The following NPAS2 variants were observed in gnomAD, a reference collection of about 807,000 sequenced individuals.
NPAS2 encodes the protein neuronal PAS domain protein 2.
Under a neutral mutation model 107.5 loss-of-function variants are expected in NPAS2, and 23 were observed. The ratio of observed to expected loss-of-function variants is 0.21; its 90% CI spans 0.15 to 0.30. The LOEUF (loss-of-function observed/expected upper bound fraction) is 0.30, where lower values mean the gene tolerates loss of function less well. Among genes scored for constraint, NPAS2 ranks in the 10% least tolerant of loss-of-function variants. The probability of loss-of-function intolerance (pLI) is 1.00; values close to 1 mark genes in which losing one functional copy is unlikely to be tolerated. For synonymous variants in NPAS2, 403 were observed against 417.5 expected (o/e 0.97, Z 0.42); for missense variants, 756 against 1,043.3 (o/e 0.72, Z 3.79).
chr2:100,913,533 C>T (rs1017238780), intron 2 of NPAS2, among the ~76,000 whole-genome samples: 17 of 152,216 alleles, frequency 1.1e-4, no homozygotes, highest in African/African-American at 3.1e-4. Context: ...GGATAGTTTC[C>T]CAATGGATAC....
At chr2:100,867,364 T>G (rs557965768) in intron 1 of NPAS2, among the ~76,000 whole-genome samples, 2 of 152,230 alleles carry the variant, frequency 1.3e-5, no homozygotes, top group Non-Finnish European at 2.9e-5. Context: ...ATTAGGTGCA[T>G]GTAAGTTTAG....
rs573129310 is a variant in NPAS2 at position 100,973,987 on chromosome 2, G to A, written c.1141-816G>A. Among the ~76,000 whole-genome samples the A allele has an allele frequency of 4.6e-5, 7 of 152,210 alleles. No homozygotes were observed. In the East Asian group the frequency reaches 9.7e-4, roughly 21 times the overall value. On this transcript the variant is annotated intron_variant, in intron 12 of 20. Transcript: ENST00000335681. ...CTCCCAAGTAGCTGGGATTACAGGCGCCTGCCACCACGTCCAGCTAATTTT... is the reference window on the plus strand; with the variant it reads ...CTCCCAAGTAGCTGGGATTACAGGCACCTGCCACCACGTCCAGCTAATTTT...
At chr2:100,843,168 G>T (rs1677551375) in intron 1 of NPAS2, among the ~76,000 whole-genome samples, 1 of 151,302 alleles carries the variant, frequency 6.6e-6, no homozygotes, top group Non-Finnish European at 1.5e-5. Context: ...GCAGTGAGCT[G>T]AGATCGCACC....
chr2:100,928,323 TGAAATA>T (rs1378558679), intron 3 of NPAS2, among the ~76,000 whole-genome samples: 3 of 151,572 alleles, frequency 2.0e-5, no homozygotes, highest in Non-Finnish European at 4.4e-5. Context: ...TTTAGCCAAG[TGAAATA>T]GCAGGTTGGT....
Position 100,863,713 on chromosome 2 carries a change from A to G in NPAS2, c.-22-41020A>G, listed in dbSNP as rs1286416523. On this transcript the variant is annotated intron_variant, in intron 1 of 20. Transcript: ENST00000335681. The stretch of plus-strand genomic sequence containing the variant: ...GGACCATTTTCACGCAATGGTGAAG[A>G]CATGTTTTTTTGTGCAAATATTTTA... 2.0e-5 allele frequency among the ~76,000 whole-genome samples: 3 copies of G among 152,284 alleles called. No homozygotes were observed. In the East Asian group the frequency reaches 5.8e-4, roughly 29 times the overall value.
chr2:100,898,700 A>G (rs1165186540), intron 1 of NPAS2, among the ~76,000 whole-genome samples: 1 of 152,160 alleles, frequency 6.6e-6, no homozygotes, highest in Non-Finnish European at 1.5e-5. Context: ...TTATATATCT[A>G]AGTCCAAAAG....
chr2:100,904,647 GACA>G, intron 1 of NPAS2, 83 bp from the exon 2 acceptor site: 2 of 1,031,392 alleles, frequency 1.9e-6, no homozygotes, highest in East Asian at 2.6e-5. Context: ...AGACCAAAAT[GACA>G]ACAACCTGAA....
At chr2:100,960,804 C>G (rs1232432810) in intron 7 of NPAS2, among the ~76,000 whole-genome samples, 1 of 152,120 alleles carries the variant, frequency 6.6e-6, no homozygotes, top group African/African-American at 2.4e-5. Flanking sequence ...TCTTCCCGAA[C>G]TGGACCTTAA....
intron 4 of NPAS2, among the ~76,000 whole-genome samples, chr2:100,933,739 G>A (rs1440606552): frequency 6.6e-6 from 1 of 152,208 alleles, no homozygotes; most frequent in Non-Finnish European, 1.5e-5. Flanking sequence ...TTCTCACCTG[G>A]AGATAAGTTT....
chr2:100,925,242 G>A lies in NPAS2; in HGVS notation c.129G>A (p.Met43Ile). ...TGCTCCCTGGCAACACGCGGAAAAT[G>A]GACAAAACCACCGTGTTGGAAAAGG... ...SSMLPGNTRK[M>I]DKTTVLEKVI... Residue 43 changes from methionine (M) to isoleucine (I), a missense_variant, in exon 3 of 21, where the codon ATG becomes ATA. Coordinates refer to ENST00000335681, the MANE Select transcript of NPAS2 (RefSeq NM_002518.4). 4 of 1,614,062 alleles carry A rather than the reference G, an allele frequency of 2.5e-6. No homozygotes were observed. Among genetic ancestry groups the A allele is most frequent in the Non-Finnish European group, 3.4e-6 (4 of 1,180,000 alleles).
At chr2:100,903,457 C>T (rs573718914) in intron 1 of NPAS2, among the ~76,000 whole-genome samples, 2 of 152,328 alleles carry the variant, frequency 1.3e-5, no homozygotes, top group South Asian at 4.1e-4. Context: ...CAGAATTCAT[C>T]TTTGCTTTGG....
At chr2:100,993,578 C>G in intron 20 of NPAS2, 51 bp downstream of exon 20, 1 of 1,327,214 alleles carries the variant, frequency 7.5e-7, no homozygotes, top group Non-Finnish European at 1.0e-6. Flanking sequence ...AGCCGGGCCA[C>G]GCTCCACACC....
intron 18 of NPAS2, 62 bp from the exon 19 acceptor site, chr2:100,990,718 C>T (rs532109936): frequency 1.2e-5 from 18 of 1,463,522 alleles, no homozygotes; most frequent in Admixed American, 3.3e-5. Flanking sequence ...AGTGCTGCCA[C>T]GACCAGTGGG....
intron 1 of NPAS2, among the ~76,000 whole-genome samples, chr2:100,879,454 G>T (rs559041078): frequency 2.4e-4 from 36 of 152,140 alleles, no homozygotes; most frequent in African/African-American, 8.2e-4. Flanking sequence ...CCCCTCACCT[G>T]CTACTTTGTA....
intron 12 of NPAS2, 27 bp from the exon 13 acceptor site, chr2:100,974,776 G>A (rs775726948): frequency 1.2e-6 from 2 of 1,608,472 alleles, no homozygotes; most frequent in Non-Finnish European, 1.7e-6. Context: ...ATGCTGACAT[G>A]AGGACTGTTT....
At chr2:100,967,378 C>T (rs1676286019) in intron 10 of NPAS2, among the ~76,000 whole-genome samples, 1 of 151,708 alleles carries the variant, frequency 6.6e-6, no homozygotes, top group African/African-American at 2.4e-5. Flanking sequence ...AGACGCCCGC[C>T]ACCACACCCG....
At chr2:100,941,142 T>G (rs947376887) in intron 5 of NPAS2, among the ~76,000 whole-genome samples, 1 of 152,192 alleles carries the variant, frequency 6.6e-6, no homozygotes, top group Non-Finnish European at 1.5e-5. Context: ...ACTGCCAACA[T>G]CTCAGATGTA....
chr2:100,911,364 T>C (rs1682536998), intron 2 of NPAS2, among the ~76,000 whole-genome samples: 1 of 152,216 alleles, frequency 6.6e-6, no homozygotes, highest in Non-Finnish European at 1.5e-5. Context: ...TACATTTTCT[T>C]ATATATAAAA....
At chr2:100,952,595 A>T (rs1477629469) in intron 7 of NPAS2, among the ~76,000 whole-genome samples, 1 of 152,086 alleles carries the variant, frequency 6.6e-6, no homozygotes, top group Non-Finnish European at 1.5e-5. Context: ...ACAACAAAAA[A>T]CTAGCCTGTG....
Sources: gnomAD v4.1 joint callset for allele counts (sites outside exome capture counted in the v4.1 genomes callset) on GRCh38, gnomAD v4.1.1 for gene constraint, MANE v1.5 for transcripts, NCBI Gene and HGNC (gene_info 2026-07-23, HGNC 2026-07-21) for gene names.